Variants in MICU1 observed in about 807,000 individuals in gnomAD.
MICU1 encodes calcium uptake protein 1, mitochondrial.
In MICU1, 45 loss-of-function variants were observed where a neutral mutation model predicts 56.8. The ratio of observed to expected loss-of-function variants is 0.79; its 90% CI spans 0.62 to 1.02. MICU1 has a LOEUF of 1.02. Ranked by LOEUF, MICU1 falls within the 50% of genes least tolerant of loss-of-function variation. The pLI is 0.00. For missense variants in MICU1, 504 were observed against 587.1 expected (o/e 0.86, Z 1.46); for synonymous variants, 186 against 195.1 (o/e 0.95, Z 0.39).
At chr10:72,605,285 T>C (rs1360582841) in intron 1 of MICU1, among the ~76,000 whole-genome samples, 1 of 152,212 alleles carries the variant, frequency 6.6e-6, no homozygotes, top group Non-Finnish European at 1.5e-5. Flanking sequence ...GAAGTTACCC[T>C]ATATGGTCAG....
At chr10:72,527,193 G>T (rs1867988836) in intron 5 of MICU1, among the ~76,000 whole-genome samples, 1 of 150,844 alleles carries the variant, frequency 6.6e-6, no homozygotes, top group Non-Finnish European at 1.5e-5. Context: ...AAACATCAAG[G>T]TTTTTTTTTG....
At chr10:72,552,618 T>G (rs1220038020) in intron 3 of MICU1, among the ~76,000 whole-genome samples, 1 of 152,080 alleles carries the variant, frequency 6.6e-6, no homozygotes, top group Non-Finnish European at 1.5e-5. Context: ...TGCAATGCTG[T>G]GATCTCGGCT....
intron 1 of MICU1, among the ~76,000 whole-genome samples, chr10:72,595,429 G>A (rs2132535882): frequency 7.1e-6 from 1 of 140,386 alleles, no homozygotes; most frequent in South Asian, 2.3e-4. Flanking sequence ...TCCAACCTGG[G>A]TGACAGAGAC....
At chr10:72,470,847 G>A (rs1865929513) in intron 8 of MICU1, among the ~76,000 whole-genome samples, 1 of 152,126 alleles carries the variant, frequency 6.6e-6, no homozygotes, top group African/African-American at 2.4e-5. Flanking sequence ...GAGTCTATTG[G>A]TCTCCTCACA....
chr10:72,581,842 C>T (rs903910581), intron 1 of MICU1, among the ~76,000 whole-genome samples: 20 of 152,096 alleles, frequency 1.3e-4, no homozygotes, highest in Non-Finnish European at 5.9e-5. Context: ...AGTCCTTTTC[C>T]GGTTCTAAGA....
intron 1 of MICU1, among the ~76,000 whole-genome samples, chr10:72,573,822 C>G (rs1479590774): frequency 6.6e-6 from 1 of 152,174 alleles, no homozygotes; most frequent in Non-Finnish European, 1.5e-5. Context: ...CACCACTGAG[C>G]TCAGGCCCAA....
intron 1 of MICU1, among the ~76,000 whole-genome samples, chr10:72,573,885 C>G (rs977954978): frequency 3.9e-5 from 6 of 152,158 alleles, no homozygotes; most frequent in African/African-American, 1.2e-4. Flanking sequence ...GTGAGATAAA[C>G]TTTATGTAAA....
chr10:72,525,182 G>A (rs2065809), intron 5 of MICU1, among the ~76,000 whole-genome samples: 84,985 of 151,234 alleles, frequency 0.56, 25,178 homozygotes, highest in Non-Finnish European at 0.67. Flanking sequence ...CATCCTGAAG[G>A]CTGGCATTTG....
chr10:72,434,007 A>G (rs1199090999), intron 8 of MICU1, among the ~76,000 whole-genome samples: 1 of 152,084 alleles, frequency 6.6e-6, no homozygotes. Context: ...TAATTTAATC[A>G]CATTCCCCTT....
intron 2 of MICU1, among the ~76,000 whole-genome samples, chr10:72,565,713 C>T (rs1840414622): frequency 6.6e-6 from 1 of 152,000 alleles, no homozygotes; most frequent in Non-Finnish European, 1.5e-5. Context: ...ACCTATAATC[C>T]CAGCTACTTG....
chr10:72,395,140 C>T (rs1863205584), intron 10 of MICU1, among the ~76,000 whole-genome samples: 1 of 152,144 alleles, frequency 6.6e-6, no homozygotes, highest in African/African-American at 2.4e-5. Context: ...GATCATACCA[C>T]TACACTCCAG....
intron 6 of MICU1, among the ~76,000 whole-genome samples, chr10:72,496,846 A>T (rs949471006): frequency 1.3e-5 from 2 of 152,232 alleles, no homozygotes; most frequent in African/African-American, 4.8e-5. Flanking sequence ...TGCTGGGATT[A>T]CAGGAGTGAG....
At chr10:72,395,661 C>T (rs367934989) in intron 10 of MICU1, among the ~76,000 whole-genome samples, 4 of 152,342 alleles carry the variant, frequency 2.6e-5, no homozygotes, top group Non-Finnish European at 4.4e-5. Context: ...CCCATGCCCA[C>T]GGAGCCTTGC....
chr10:72,575,588 A>C (rs1044728606), intron 1 of MICU1, among the ~76,000 whole-genome samples: 1 of 152,134 alleles, frequency 6.6e-6, no homozygotes, highest in African/African-American at 2.4e-5. Flanking sequence ...TTTCTGTGTC[A>C]CATCTTGGTA....
Position 72,423,614 on chromosome 10 carries a change from CTAGGAAAGATGAGGCTGGGACTTG to C in MICU1, c.934-267_934-244del, listed in dbSNP as rs1864250592. Among the ~76,000 whole-genome samples the C allele has an allele frequency of 3.9e-5, 6 of 152,194 alleles. 1 individual carries two copies. The South Asian group carries it at 1.2e-3, about 32-fold the overall frequency. ...AGAGCAACAGCATCTTGAGTAAGGT[CTAGGAAAGATGAGGCTGGGACTTG>C]CTGGGCTGCATTCCCAGGAAGTTAG... On this transcript the variant is annotated intron_variant, in intron 8 of 11. Coordinates refer to ENST00000361114, the MANE Select transcript of MICU1 (RefSeq NM_001195518.2).
chr10:72,367,439 G>C lies in MICU1; in HGVS notation c.*756C>G, dbSNP rs1015818957. The C allele has an allele frequency of 5.3e-5, 8 of 152,352 alleles. No homozygotes were observed. Among genetic ancestry groups the C allele is most frequent in the African/African-American group, 1.9e-4 (8 of 41,444 alleles). 9.4% of individuals were successfully genotyped at this position (152,352 alleles called of 1,614,324 possible). ...GGCTCTGAGCCAGGCCTCAGCTTTA[G>C]AGGCCCATCCTGGAGAGGAAATGGC... is the stretch of plus-strand genomic sequence containing the variant. On this transcript the variant is annotated 3_prime_UTR_variant, in exon 12 of 12. Transcript: ENST00000361114.
At chr10:72,423,116 G>T in intron 9 of MICU1, 118 bp downstream of exon 9, 3 of 1,357,330 alleles carry the variant, frequency 2.2e-6, no homozygotes, top group South Asian at 1.5e-5. Context: ...TACCAGAAAT[G>T]AATTAGGTGT....
intron 1 of MICU1, among the ~76,000 whole-genome samples, chr10:72,595,447 CAAAAAAAA>C (rs1255926638): frequency 3.4e-4 from 14 of 41,180 alleles, no homozygotes; most frequent in Admixed American, 5.4e-4. Flanking sequence ...GACTCTGTCT[CAAAAAAAA>C]AAAAAAAAAG....
intron 10 of MICU1, among the ~76,000 whole-genome samples, chr10:72,398,703 AAATTC>A (rs1318268651): frequency 6.6e-6 from 1 of 152,184 alleles, no homozygotes; most frequent in African/African-American, 2.4e-5. Flanking sequence ...AGAAATGGAT[AAATTC>A]CTGGACACAT....
Sources: allele counts gnomAD v4.1 joint callset (sites outside exome capture counted in the v4.1 genomes callset), GRCh38; gene constraint gnomAD v4.1.1; transcripts MANE v1.5; gene names NCBI Gene and HGNC (gene_info 2026-07-23, HGNC 2026-07-21).